The following ZBTB20 variants were observed in gnomAD, a reference collection of about 807,000 sequenced individuals.
ZBTB20 encodes zinc finger and BTB domain containing 20.
ZBTB20 carries 9 observed loss-of-function variants against 56.9 expected under a neutral mutation model. The observed-to-expected ratio is 0.16, with a 90% confidence interval of 0.10 to 0.28. The LOEUF is 0.28. Among genes scored for constraint, ZBTB20 ranks in the 10% least tolerant of loss-of-function variants. The pLI is 1.00. For missense variants in ZBTB20, 655 were observed against 1,003.0 expected (o/e 0.65, Z 4.69); for synonymous variants, 417 against 420.7 (o/e 0.99, Z 0.11).
chr3:114,845,168 A>G (rs1371022560), intron 4 of ZBTB20, among the ~76,000 whole-genome samples: 1 of 151,636 alleles, frequency 6.6e-6, no homozygotes, highest in Non-Finnish European at 1.5e-5. Context: ...TTATCTTTTC[A>G]CTGATGGATC....
intron 6 of ZBTB20, among the ~76,000 whole-genome samples, chr3:114,524,598 T>A (rs1306563447): frequency 1.3e-5 from 2 of 152,184 alleles, no homozygotes; most frequent in Admixed American, 6.5e-5. Flanking sequence ...TCACTTTCCA[T>A]CTTTCCAGCT....
chr3:114,584,118 A>C (rs1365207613), intron 6 of ZBTB20, among the ~76,000 whole-genome samples: 2 of 152,096 alleles, frequency 1.3e-5, no homozygotes, highest in African/African-American at 4.8e-5. Flanking sequence ...TCCTTTGTTA[A>C]TTTCCTTACA....
At chr3:114,549,571 A>T (rs142044422) in intron 6 of ZBTB20, among the ~76,000 whole-genome samples, 1 of 152,282 alleles carries the variant, frequency 6.6e-6, no homozygotes, top group East Asian at 1.9e-4. Context: ...ATTTGGCTTT[A>T]ACACAGCAAT....
intron 5 of ZBTB20, among the ~76,000 whole-genome samples, chr3:114,792,858 G>A (rs1367556671): frequency 7.0e-6 from 1 of 142,568 alleles, no homozygotes; most frequent in East Asian, 2.1e-4. Context: ...AATTTTCAAA[G>A]TTTTTCTTTT....
At chr3:114,858,134 A>G (rs145913883) in intron 4 of ZBTB20, among the ~76,000 whole-genome samples, 1 of 152,324 alleles carries the variant, frequency 6.6e-6, no homozygotes, top group African/African-American at 2.4e-5. Context: ...AATAATCTCT[A>G]TTAATCTCAG....
At chr3:114,918,522 T>C (rs927913216) in intron 3 of ZBTB20, among the ~76,000 whole-genome samples, 1 of 152,172 alleles carries the variant, frequency 6.6e-6, no homozygotes, top group African/African-American at 2.4e-5. Context: ...CCATGACATG[T>C]ACTGCCTGGA....
chr3:115,115,927 CTTGATTA>C (rs1226024438), intron 1 of ZBTB20, among the ~76,000 whole-genome samples: 1 of 152,004 alleles, frequency 6.6e-6, no homozygotes, highest in Non-Finnish European at 1.5e-5. Flanking sequence ...AAATAGACTT[CTTGATTA>C]TTATTTTTGA....
intron 5 of ZBTB20, among the ~76,000 whole-genome samples, chr3:114,739,292 A>G (rs552031864): frequency 6.6e-6 from 1 of 152,320 alleles, no homozygotes; most frequent in African/African-American, 2.4e-5. Context: ...AAACCTTTCT[A>G]TCATACCAGA....
chr3:114,586,989 C>CTTTT (rs1195918426), intron 6 of ZBTB20, among the ~76,000 whole-genome samples: 37 of 76,984 alleles, frequency 4.8e-4, no homozygotes, highest in Admixed American at 5.6e-4. Context: ...GTATAACTCC[C>CTTTT]TTTTTTTTTT....
intron 1 of ZBTB20, among the ~76,000 whole-genome samples, chr3:115,116,490 C>G (rs138216288): frequency 3.1e-4 from 47 of 152,020 alleles, no homozygotes; most frequent in Non-Finnish European, 5.7e-4. Context: ...GTTACTTATC[C>G]ATGAGTCTCA....
intron 6 of ZBTB20, among the ~76,000 whole-genome samples, chr3:114,580,142 T>C (rs1470471182): frequency 6.6e-6 from 1 of 151,606 alleles, no homozygotes; most frequent in African/African-American, 2.4e-5. Flanking sequence ...AACTCAATAG[T>C]AGATTAAAAA....
intron 2 of ZBTB20, among the ~76,000 whole-genome samples, chr3:115,028,251 A>G (rs1032315941): frequency 4.6e-5 from 7 of 150,806 alleles, no homozygotes; most frequent in Admixed American, 6.6e-5. Context: ...AAAACAAAAT[A>G]TTTCCAAATT....
chr3:114,547,055 C>T (rs1014967563), intron 6 of ZBTB20, among the ~76,000 whole-genome samples: 1 of 152,068 alleles, frequency 6.6e-6, no homozygotes, highest in African/African-American at 2.4e-5. Context: ...TAAAGATTAC[C>T]AATGCTAAGC....
chr3:114,610,093 G>C (rs1460792597), intron 6 of ZBTB20, among the ~76,000 whole-genome samples: 6 of 152,172 alleles, frequency 3.9e-5, no homozygotes, highest in African/African-American at 1.4e-4. Flanking sequence ...AACAGCAGCA[G>C]CTGAAGCAGC....
chr3:114,824,978 G>A (rs959432278), intron 4 of ZBTB20, among the ~76,000 whole-genome samples: 5 of 151,590 alleles, frequency 3.3e-5, no homozygotes, highest in Admixed American at 6.6e-5. Context: ...GACTCACATC[G>A]CACATTTTCT....
chr3:114,535,917 T>C (rs1476526623), intron 6 of ZBTB20, among the ~76,000 whole-genome samples: 1 of 152,218 alleles, frequency 6.6e-6, no homozygotes, highest in Non-Finnish European at 1.5e-5. Context: ...TCTCAATAGA[T>C]GCAGAAAAGG....
At chr3:114,838,190 A>G (rs1364271612) in intron 4 of ZBTB20, among the ~76,000 whole-genome samples, 1 of 152,238 alleles carries the variant, frequency 6.6e-6, no homozygotes, top group African/African-American at 2.4e-5. Context: ...GTTAGCTATT[A>G]TCTATTCTTA....
intron 4 of ZBTB20, chr3:114,876,217 T>A (rs2076190267): frequency 1.3e-5 from 2 of 152,198 alleles, no homozygotes; most frequent in African/African-American, 4.8e-5. Context: ...TTTGTGAGAT[T>A]TTGGTGCACT....
At chr3:115,089,268 G>A (rs2083099747) in intron 1 of ZBTB20, among the ~76,000 whole-genome samples, 1 of 151,686 alleles carries the variant, frequency 6.6e-6, no homozygotes, top group Non-Finnish European at 1.5e-5. Flanking sequence ...GCAATCTTCG[G>A]TAAACCACTT....
Sources: gnomAD v4.1 joint callset for allele counts (sites outside exome capture counted in the v4.1 genomes callset) on GRCh38, gnomAD v4.1.1 for gene constraint, MANE v1.5 for transcripts, NCBI Gene and HGNC (gene_info 2026-07-23, HGNC 2026-07-21) for gene names.